Variants in CCNT1 observed in about 807,000 individuals in gnomAD.
CCNT1 encodes cyclin T1.
CCNT1 carries 18 observed loss-of-function variants against 67.3 expected under a neutral mutation model. The observed-to-expected ratio is 0.27, with a 90% CI of 0.18 to 0.40. CCNT1 has a LOEUF of 0.40. CCNT1 is among the 10% of genes least tolerant of loss of function. The pLI, the probability that CCNT1 is intolerant of heterozygous loss-of-function variation, is 1.00. For synonymous variants in CCNT1, 333 were observed against 310.3 expected (o/e 1.07, Z -0.77); for missense variants, 744 against 884.9 (o/e 0.84, Z 2.02).
At chr12:48,711,656 G>A (rs1940452423) in intron 2 of CCNT1, among the ~76,000 whole-genome samples, 1 of 152,086 alleles carries the variant, frequency 6.6e-6, no homozygotes, top group South Asian at 2.1e-4. Flanking sequence ...CTCGTTAAAT[G>A]CTAACAGGCT....
intron 5 of CCNT1, among the ~76,000 whole-genome samples, chr12:48,699,472 C>A (rs556455877): frequency 5.3e-5 from 8 of 152,210 alleles, no homozygotes. Context: ...TAATCAACCC[C>A]AGAATTAAAA....
rs1457081210 is a variant in CCNT1 at position 48,689,004 on chromosome 12, A to T, written c.*4029T>A. On this transcript the variant is annotated 3_prime_UTR_variant, in exon 9 of 9. Coordinates refer to ENST00000261900, the MANE Select transcript of CCNT1 (RefSeq NM_001240.4). Reference sequence around the variant, plus strand: ...ACCAATTATATTATGATCAACAACTAATCAGTTAGTTCCTCAGCTTCAACT... The same window carrying T: ...ACCAATTATATTATGATCAACAACTTATCAGTTAGTTCCTCAGCTTCAACT... The T allele has an allele frequency of 6.6e-6, 1 of 152,206 alleles. No individual in the cohort carries two copies. Among genetic ancestry groups the T allele is most frequent in the Admixed American group, 6.5e-5 (1 of 15,280 alleles). 9.4% of individuals were successfully genotyped at this position (152,206 alleles called of 1,614,324 possible).
intron 2 of CCNT1, among the ~76,000 whole-genome samples, chr12:48,706,524 T>C (rs1940363073): frequency 6.6e-6 from 1 of 152,196 alleles, no homozygotes; most frequent in Non-Finnish European, 1.5e-5. Flanking sequence ...ACATTATTTA[T>C]AGAAAGCATT....
At chr12:48,695,539 T>C (rs963735666) in intron 8 of CCNT1, among the ~76,000 whole-genome samples, 2 of 152,086 alleles carry the variant, frequency 1.3e-5, no homozygotes, top group Admixed American at 1.3e-4. Flanking sequence ...GCTCAAATGA[T>C]CATATCACAG....
intron 5 of CCNT1, among the ~76,000 whole-genome samples, chr12:48,698,480 C>T (rs1940215661): frequency 6.6e-6 from 1 of 152,114 alleles, no homozygotes; most frequent in East Asian, 1.9e-4. Flanking sequence ...GACCTGCTCC[C>T]TAAAATTTAA....
chr12:48,693,415 AGG>A lies in CCNT1; in HGVS notation c.1797_1798del (p.Leu600LysfsTer17). The stretch of plus-strand genomic sequence containing the variant: ...AGGAAGTGAAGGGAAGGAGAAATTT[AGG>A]GAAGAGGATTTAGTACTCTTGGCAA... On this transcript the variant is annotated frameshift_variant, in exon 9 of 9. Transcript: ENST00000261900. LOFTEE classifies it high-confidence loss of function. 1 of 1,614,240 alleles carries A rather than the reference AGG, an allele frequency of 6.2e-7. No individual in the cohort carries two copies. Among genetic ancestry groups the A allele is most frequent in the Non-Finnish European group, 8.5e-7 (1 of 1,180,040 alleles).
rs376613553 is a variant in CCNT1 at position 48,695,173 on chromosome 12, T to G, written c.777+586A>C. ...GCTTCTAAGAGGCAAACTCACTCTC[T>G]GCCACTCACTCAACTCAGGAGAATG... is the stretch of plus-strand genomic sequence containing the variant. On this transcript the variant is annotated intron_variant, in intron 8 of 8. Transcript: ENST00000261900. Among the ~76,000 whole-genome samples the G allele has an allele frequency of 3.3e-5, 5 of 152,336 alleles. No homozygotes were observed. In the East Asian group the frequency reaches 5.8e-4, roughly 18 times the overall value.
intron 2 of CCNT1, among the ~76,000 whole-genome samples, chr12:48,707,613 G>C (rs1940382409): frequency 6.8e-6 from 1 of 147,372 alleles, no homozygotes; most frequent in African/African-American, 2.7e-5. Context: ...TAAAGATTTT[G>C]AAAAATATCG....
Position 48,693,695 on chromosome 12 carries a change from TG to T in CCNT1, c.1518del (p.His506GlnfsTer49). 6.2e-7 allele frequency: 1 copy of T among 1,614,160 alleles called. No individual in the cohort carries two copies. The highest frequency in any genetic ancestry group is 8.5e-7 in the Non-Finnish European group (1 of 1,180,036). ...GATGGGTGAGTCTTGTGCTTTTCTT[TG>T]TGCTCTCGGCTCTTTGTAACACTGT... ...VEDSVTKSRE[H>X]KEKHKTHPSN... On this transcript the variant is annotated frameshift_variant, in exon 9 of 9. Transcript: ENST00000261900. LOFTEE classifies it high-confidence loss of function.
At chr12:48,701,187 A>T in intron 3 of CCNT1, 114 bp from the exon 4 acceptor site, 1 of 350,194 alleles carries the variant, frequency 2.9e-6, no homozygotes. Flanking sequence ...GAGTGGAGTT[A>T]GGAGGTAGAG....
rs1940098707 is a variant in CCNT1, at chr12:48,692,934, GATGAC to G, written c.*94_*98del. On this transcript the variant is annotated 3_prime_UTR_variant, in exon 9 of 9. Coordinates refer to ENST00000261900, the MANE Select transcript of CCNT1 (RefSeq NM_001240.4). ...ATATCAATTTATTCCCTAGTCCAAG[GATGAC>G]ATATTTCATAAGTAATTTTCTTAGT... The G allele has an allele frequency of 2.6e-6, 2 of 776,484 alleles. No homozygotes were observed. Among genetic ancestry groups the G allele is most frequent in the African/African-American group, 3.5e-5 (2 of 56,740 alleles). The allele number at this position is 776,484 out of a possible 1,614,324, so 48.1% of individuals were successfully genotyped here. A position where few individuals can be genotyped will look rare whatever the true frequency, so the allele number is the denominator to read the frequency against.
At chr12:48,716,431 C>A in intron 1 of CCNT1, 84 bp downstream of exon 1, 1 of 1,272,306 alleles carries the variant, frequency 7.9e-7, no homozygotes, top group Non-Finnish European at 1.1e-6. Flanking sequence ...TCCCCACTTT[C>A]GTCCCCCCCA....
chr12:48,696,569 T>A (rs1940172344), intron 6 of CCNT1, among the ~76,000 whole-genome samples: 1 of 152,182 alleles, frequency 6.6e-6, no homozygotes, highest in Non-Finnish European at 1.5e-5. Context: ...AATTGTAAGC[T>A]TTTTGGTCTG....
At chr12:48,708,191 C>T (rs1421880516) in intron 2 of CCNT1, among the ~76,000 whole-genome samples, 2 of 151,940 alleles carry the variant, frequency 1.3e-5, no homozygotes, top group Non-Finnish European at 2.9e-5. Context: ...CTGCGTAACA[C>T]AATGAGACCC....
intron 2 of CCNT1, among the ~76,000 whole-genome samples, chr12:48,706,144 T>C (rs573266924): frequency 2.0e-5 from 3 of 151,906 alleles, no homozygotes; most frequent in Admixed American, 1.3e-4. Context: ...AGCTACTAGA[T>C]GTAAGCAGAC....
chr12:48,705,277 GTTT>G (rs1412501499), intron 3 of CCNT1, among the ~76,000 whole-genome samples: 1 of 132,764 alleles, frequency 7.5e-6, no homozygotes. Flanking sequence ...ATGCCCAGTT[GTTT>G]TTTGTTGTTG....
rs1940538196 is a variant in CCNT1 at position 48,716,638 on chromosome 12, T to C, written c.38A>G (p.Tyr13Cys). 6.2e-7 allele frequency: 1 copy of C among 1,614,194 alleles called. No homozygotes were observed. Among genetic ancestry groups the C allele is most frequent in the Non-Finnish European group, 8.5e-7 (1 of 1,180,022 alleles). ...GERKNNNKRWYFTREQLENSP... is the reference protein window; with the variant it reads ...GERKNNNKRWCFTREQLENSP... Reference sequence around the variant, plus strand: ...ATTTTCCAGCTGTTCTCGAGTGAAATACCACCGTTTGTTGTTGTTCTTCCT... The same window carrying C: ...ATTTTCCAGCTGTTCTCGAGTGAAACACCACCGTTTGTTGTTGTTCTTCCT... The change falls in exon 1 of 9, where the codon TAT becomes TGT. Residue 13 changes from tyrosine (Y) to cysteine (C), a missense_variant. Transcript: ENST00000261900.
chr12:48,689,259 T>C lies in CCNT1; in HGVS notation c.*3774A>G, dbSNP rs1436311182. ...AATGCCAAGTTCATATGAAAAACTT[T>C]AGAAACATTAAAATGGAGAACTCTC... On this transcript the variant is annotated 3_prime_UTR_variant, in exon 9 of 9. Transcript: ENST00000261900. 1 of 152,210 alleles carries C rather than the reference T, an allele frequency of 6.6e-6. No homozygotes were observed. Among genetic ancestry groups the C allele is most frequent in the Non-Finnish European group, 1.5e-5 (1 of 68,034 alleles). The allele number at this position is 152,210 out of a possible 1,614,324, so 9.4% of individuals were successfully genotyped here. A position where few individuals can be genotyped will look rare whatever the true frequency, so the allele number is the denominator to read the frequency against.
At chr12:48,694,637 CA>C (rs1940141049) in intron 8 of CCNT1, among the ~76,000 whole-genome samples, 2 of 152,258 alleles carry the variant, frequency 1.3e-5, no homozygotes, top group Admixed American at 1.3e-4. Flanking sequence ...GCAATCTATC[CA>C]AACGTTACAA....
Sources: gnomAD v4.1 joint callset for allele counts (sites outside exome capture counted in the v4.1 genomes callset) on GRCh38, gnomAD v4.1.1 for gene constraint, MANE v1.5 for transcripts, NCBI Gene and HGNC (gene_info 2026-07-23, HGNC 2026-07-21) for gene names.